ZFHX3: variants seen among roughly 807,000 people sequenced by gnomAD.
ZFHX3 encodes zinc finger homeobox 3.
ZFHX3 carries 42 observed loss-of-function variants against 279.1 expected under a neutral mutation model. The observed-to-expected ratio is 0.15, with a 90% confidence interval of 0.12 to 0.19. The LOEUF (loss-of-function observed/expected upper bound fraction) is 0.19. Ranked by LOEUF, ZFHX3 falls within the 10% of genes least tolerant of loss-of-function variation. The pLI, the probability that ZFHX3 is intolerant of heterozygous loss-of-function variation, is 1.00. For synonymous variants in ZFHX3, 2,293 were observed against 1,957.8 expected (o/e 1.17, Z -4.52); for missense variants, 4,981 against 4,754.0 (o/e 1.05, Z -1.40).
At chr16:73,065,566 GGTGTGTGTGTGTGTGTGTGTGTGTGTGT>G (rs10540025) in intron 8 of ZFHX3, among the ~76,000 whole-genome samples, 1 of 144,592 alleles carries the variant, frequency 6.9e-6, no homozygotes, top group African/African-American at 2.6e-5. Context: ...AGCTTTTCCT[GGTGTGTGTGTGTGTGTGTGTGTGTGTGT>G]GTGTGTGTGT....
At position 72,794,450 on chromosome 16, in the gene ZFHX3, G is replaced by A. The variant is rs200919501; in HGVS notation, c.8232C>T (p.Asn2744=). The change falls in exon 9 of 10, where the codon AAC becomes AAT. Residue 2744 remains asparagine, a synonymous_variant. Coordinates refer to ENST00000268489, the MANE Select transcript of ZFHX3 (RefSeq NM_006885.4). The surrounding 1 kb of genome is among the most constrained non-coding windows in gnomAD (Gnocchi z 4.2). ...HWHEAKRAGY[N]LTLSAMLLDC... ...CTAAGAGCATCGCAGACAGAGTTAG[G>A]TTGTAGCCAGCTCTCTTGGCTTCAT... The A allele has an allele frequency of 1.3e-5, 21 of 1,614,004 alleles. No individual in the cohort carries two copies. The highest frequency in any genetic ancestry group is 3.3e-4 in the Middle Eastern group (2 of 6,084).
At chr16:73,161,447 C>T (rs1967233821) in intron 5 of ZFHX3, among the ~76,000 whole-genome samples, 1 of 152,198 alleles carries the variant, frequency 6.6e-6, no homozygotes, top group African/African-American at 2.4e-5. Context: ...ATACTGTCTT[C>T]AGACTTGATT....
chr16:73,635,527 G>C (rs550201560), intron 2 of ZFHX3, among the ~76,000 whole-genome samples: 244 of 152,224 alleles, frequency 1.6e-3, no homozygotes, highest in Non-Finnish European at 2.7e-3. Flanking sequence ...TGTAATGGTG[G>C]GTTGGAAGTG....
chr16:73,025,155 G>C lies in ZFHX3; in HGVS notation c.-50+22597C>G, dbSNP rs1338865743. Among the ~76,000 whole-genome samples, 3 of 152,172 alleles carry C rather than the reference G, an allele frequency of 2.0e-5. No homozygotes were observed. In the South Asian group the frequency reaches 6.2e-4, roughly 32 times the overall value. ...ACTTGTTGAAAGAAGATGAGTATGA[G>C]AGCAATTGGGAGGAGAAGAAAATGT... On this transcript the variant is annotated intron_variant, in intron 1 of 9. Transcript: ENST00000268489.
chr16:73,676,627 T>C (rs949410320), intron 2 of ZFHX3, among the ~76,000 whole-genome samples: 1 of 151,932 alleles, frequency 6.6e-6, no homozygotes, highest in African/African-American at 2.4e-5. Flanking sequence ...ATTTTATTTA[T>C]AACAATGTAC....
At chr16:73,111,693 A>C (rs1418262465) in intron 7 of ZFHX3, among the ~76,000 whole-genome samples, 1 of 150,742 alleles carries the variant, frequency 6.6e-6, no homozygotes, top group Non-Finnish European at 1.5e-5. Context: ...GGAAGGAAGG[A>C]GAGAGAGAAA....
intron 1 of ZFHX3, among the ~76,000 whole-genome samples, chr16:72,962,933 T>C (rs7191371): frequency 0.88 from 134,020 of 151,984 alleles, 59,786 homozygotes; most frequent in Middle Eastern, 0.97. Context: ...CCACATCCTG[T>C]GGCTCAAGGG....
At chr16:72,939,580 C>T (rs1225994642) in intron 3 of ZFHX3, among the ~76,000 whole-genome samples, 2 of 152,202 alleles carry the variant, frequency 1.3e-5, no homozygotes, top group African/African-American at 4.8e-5. Context: ...TTATCATTCT[C>T]ATTGTCCCGA....
chr16:73,844,218 A>G (rs1406671177), intron 1 of ZFHX3, among the ~76,000 whole-genome samples: 1 of 152,212 alleles, frequency 6.6e-6, no homozygotes, highest in Non-Finnish European at 1.5e-5. Context: ...CAAACCATAA[A>G]AAGAAAAGAG....
At chr16:73,367,137 G>A (rs1597303692) in intron 3 of ZFHX3, among the ~76,000 whole-genome samples, 2 of 152,052 alleles carry the variant, frequency 1.3e-5, no homozygotes, top group African/African-American at 4.8e-5. Context: ...GAGGAGTGAA[G>A]GAATCTCTTA....
At chr16:73,656,112 G>C (rs2052718830) in intron 2 of ZFHX3, among the ~76,000 whole-genome samples, 1 of 152,102 alleles carries the variant, frequency 6.6e-6, no homozygotes, top group Non-Finnish European at 1.5e-5. Flanking sequence ...AATTTGATCT[G>C]TTTTTGTAAA....
At chr16:73,519,916 G>A (rs2019584099) in intron 2 of ZFHX3, among the ~76,000 whole-genome samples, 1 of 152,146 alleles carries the variant, frequency 6.6e-6, no homozygotes, top group South Asian at 2.1e-4. Flanking sequence ...AATGAAGTAT[G>A]TTTACTAGCA....
chr16:73,692,809 T>C (rs2053162097), intron 1 of ZFHX3, among the ~76,000 whole-genome samples: 1 of 152,248 alleles, frequency 6.6e-6, no homozygotes, highest in Admixed American at 6.5e-5. Flanking sequence ...AATCGTCTAA[T>C]TATTCCTGGC....
intron 7 of ZFHX3, among the ~76,000 whole-genome samples, chr16:73,125,825 TAC>T (rs531378895): frequency 0.012 from 1,772 of 151,834 alleles, 9 homozygotes; most frequent in South Asian, 0.02. Flanking sequence ...TGCATATATA[TAC>T]ACACACACAC....
chr16:73,521,493 C>T (rs139144784), intron 2 of ZFHX3, among the ~76,000 whole-genome samples: 150 of 152,142 alleles, frequency 9.9e-4, no homozygotes, highest in African/African-American at 3.5e-3. Context: ...ACAGACAGGG[C>T]GGGCAGGGTA....
At chr16:72,910,899 T>C (rs2039300637) in intron 3 of ZFHX3, among the ~76,000 whole-genome samples, 1 of 152,192 alleles carries the variant, frequency 6.6e-6, no homozygotes, top group Non-Finnish European at 1.5e-5. Context: ...CCCACACCAG[T>C]TACCCACTTC....
At position 73,737,969 on chromosome 16, in the gene ZFHX3, T is replaced by TG. The variant is rs1173603711; in HGVS notation, c.-1607-57730dup. ...TTAGCAGCTCTGATAAAAGGTTTGG[T>TG]GGGGGAGGAGGTCAAAACTAATGGC... is the stretch of plus-strand genomic sequence containing the variant. On this transcript the variant is annotated intron_variant, in intron 1 of 17. Coordinates refer to the ZFHX3 transcript ENST00000641206. Among the ~76,000 whole-genome samples, 10 of 152,044 alleles carry TG rather than the reference T, an allele frequency of 6.6e-5. No homozygotes were observed. The East Asian group carries it at 1.6e-3, about 24-fold the overall frequency.
At chr16:72,838,233 T>C (rs935855853) in intron 4 of ZFHX3, among the ~76,000 whole-genome samples, 1 of 152,152 alleles carries the variant, frequency 6.6e-6, no homozygotes, top group Non-Finnish European at 1.5e-5. Context: ...AAATGACTAA[T>C]TGGAGAATAG....
intron 3 of ZFHX3, among the ~76,000 whole-genome samples, chr16:73,434,292 G>A (rs2017960376): frequency 6.6e-6 from 1 of 152,184 alleles, no homozygotes. Flanking sequence ...AAATACAAGA[G>A]GATTGATTGA....
Sources: gnomAD v4.1 joint callset for allele counts (sites outside exome capture counted in the v4.1 genomes callset) on GRCh38, gnomAD v4.1.1 for gene constraint, Gnocchi (gnomAD v3.1) non-coding constraint, MANE v1.5 for transcripts, NCBI Gene and HGNC (gene_info 2026-07-23, HGNC 2026-07-21) for gene names.